Variants in THSD7B observed in about 807,000 individuals in gnomAD.
THSD7B encodes the protein thrombospondin type-1 domain-containing protein 7B.
THSD7B carries 138 observed loss-of-function variants against 213.6 expected under a neutral mutation model. That is an observed-to-expected ratio of 0.65 (90% CI 0.56 to 0.74). The LOEUF (loss-of-function observed/expected upper bound fraction) is 0.74, where lower values mean the gene tolerates loss of function less well. THSD7B is among the 30% of genes least tolerant of loss of function. The pLI is 0.00. For missense variants in THSD7B, 1,931 were observed against 1,991.5 expected (o/e 0.97, Z 0.58); for synonymous variants, 742 against 687.0 (o/e 1.08, Z -1.25).
intron 14 of THSD7B, among the ~76,000 whole-genome samples, chr2:137,423,128 T>C (rs1367071897): frequency 1.3e-5 from 2 of 152,080 alleles, no homozygotes; most frequent in Non-Finnish European, 2.9e-5. Flanking sequence ...TACTCATTTT[T>C]TCTTCAAAAA....
chr2:137,474,333 A>G (rs2105096482), intron 15 of THSD7B, among the ~76,000 whole-genome samples: 1 of 152,284 alleles, frequency 6.6e-6, no homozygotes, highest in South Asian at 2.1e-4. Context: ...CCTGGAGGAA[A>G]CAGATTGAAT....
chr2:136,932,261 G>T (rs1183093636), intron 2 of THSD7B, among the ~76,000 whole-genome samples: 2 of 152,140 alleles, frequency 1.3e-5, no homozygotes, highest in African/African-American at 4.8e-5. Flanking sequence ...TTTTCCTAAG[G>T]AAATTTTACT....
At chr2:136,940,634 C>T (rs1411217012) in intron 2 of THSD7B, among the ~76,000 whole-genome samples, 1 of 151,472 alleles carries the variant, frequency 6.6e-6, no homozygotes, top group African/African-American at 2.4e-5. Flanking sequence ...TCCAGCAATC[C>T]ATCCACCTTG....
At chr2:137,286,610 C>T (rs141458600) in intron 12 of THSD7B, among the ~76,000 whole-genome samples, 30 of 151,582 alleles carry the variant, frequency 2.0e-4, no homozygotes, top group African/African-American at 6.5e-4. Context: ...TCAGTTCATT[C>T]AGAAAGCAAA....
At chr2:137,203,797 T>C (rs1299254786) in intron 7 of THSD7B, among the ~76,000 whole-genome samples, 1 of 152,032 alleles carries the variant, frequency 6.6e-6, no homozygotes, top group African/African-American at 2.4e-5. Flanking sequence ...TTACTTTTAA[T>C]TGGCATTGAT....
chr2:137,510,198 T>C (rs1465202482), intron 15 of THSD7B, among the ~76,000 whole-genome samples: 1 of 152,190 alleles, frequency 6.6e-6, no homozygotes, highest in Non-Finnish European at 1.5e-5. Context: ...TTTATTCCTC[T>C]ATTCTTTCTA....
At chr2:137,661,024 G>T (rs1005158527) in intron 25 of THSD7B, among the ~76,000 whole-genome samples, 3 of 152,142 alleles carry the variant, frequency 2.0e-5, no homozygotes, top group Non-Finnish European at 4.4e-5. Context: ...GGTTGATGAG[G>T]ATTGGCATGA....
At chr2:136,968,199 T>G (rs1212764364) in intron 2 of THSD7B, among the ~76,000 whole-genome samples, 1 of 152,184 alleles carries the variant, frequency 6.6e-6, no homozygotes, top group Non-Finnish European at 1.5e-5. Context: ...TCCAACGTGA[T>G]GAAACTAATT....
intron 7 of THSD7B, among the ~76,000 whole-genome samples, chr2:137,196,142 G>A (rs972294077): frequency 7.2e-5 from 11 of 152,134 alleles, no homozygotes; most frequent in Non-Finnish European, 1.5e-4. Context: ...ACAAGAAATA[G>A]TGTTCATTTA....
chr2:137,071,986 TATC>T (rs1687499725), intron 3 of THSD7B, among the ~76,000 whole-genome samples: 1 of 152,242 alleles, frequency 6.6e-6, no homozygotes, highest in Admixed American at 6.5e-5. Flanking sequence ...TTGGTACCAG[TATC>T]ATGCTGTTTT....
In THSD7B at chr2:137,231,177, T is replaced by TA. The variant is rs1681631950; in HGVS notation, c.1862dup (p.Asn621LysfsTer26). The TA allele has an allele frequency of 2.5e-6, 4 of 1,613,298 alleles. No homozygotes were observed. The Admixed American group carries it at 6.7e-5, about 27-fold the overall frequency. ...CATCCTGTTCCCAGTCCTGTTCAAA[T>TA]AAAAACTCAGATGGGAAACAGACCA... On this transcript the variant is annotated frameshift_variant, in exon 8 of 28. Transcript: ENST00000409968. LOFTEE classifies it high-confidence loss of function.
chr2:137,367,918 T>C (rs1007382915), intron 12 of THSD7B, among the ~76,000 whole-genome samples: 7 of 152,072 alleles, frequency 4.6e-5, no homozygotes, highest in African/African-American at 1.4e-4. Context: ...AGGCCTCTTC[T>C]CCAAATACCG....
In THSD7B at chr2:137,201,786, T is replaced by G. The variant is rs1406572968; in HGVS notation, c.1724-29258T>G. ...CACATCCCCTCATTGGACTTGCTACTGTTGGTCCTTTTCTTTTAACCACTC... is the reference window on the plus strand; with the variant it reads ...CACATCCCCTCATTGGACTTGCTACGGTTGGTCCTTTTCTTTTAACCACTC... On this transcript the variant is annotated intron_variant, in intron 7 of 27. Coordinates refer to ENST00000409968, the MANE Select transcript of THSD7B (RefSeq NM_001316349.2). 2.0e-5 allele frequency among the ~76,000 whole-genome samples: 3 copies of G among 152,142 alleles called. No individual in the cohort carries two copies. In the East Asian group the frequency reaches 5.8e-4, roughly 29 times the overall value.
At chr2:137,607,062 T>A (rs1336485999) in intron 17 of THSD7B, among the ~76,000 whole-genome samples, 2 of 152,114 alleles carry the variant, frequency 1.3e-5, no homozygotes, top group African/African-American at 4.8e-5. Context: ...CATGTTTTAA[T>A]ATAATGGGAC....
At chr2:137,608,381 A>G (rs1682227221) in intron 17 of THSD7B, among the ~76,000 whole-genome samples, 1 of 150,756 alleles carries the variant, frequency 6.6e-6, no homozygotes, top group Non-Finnish European at 1.5e-5. Flanking sequence ...TTTTTTAACC[A>G]GTTATCTTCA....
intron 12 of THSD7B, among the ~76,000 whole-genome samples, chr2:137,375,856 G>A (rs1204808434): frequency 6.6e-6 from 1 of 152,174 alleles, no homozygotes; most frequent in East Asian, 1.9e-4. Context: ...CATGGCATCA[G>A]CTTTGTACAT....
At chr2:137,188,229 T>C (rs1284109038) in intron 7 of THSD7B, among the ~76,000 whole-genome samples, 1 of 152,192 alleles carries the variant, frequency 6.6e-6, no homozygotes, top group Non-Finnish European at 1.5e-5. Context: ...AGAGAGGTAG[T>C]GCTGAGACCA....
chr2:136,988,529 G>T (rs1315501572), intron 2 of THSD7B, among the ~76,000 whole-genome samples: 1 of 152,194 alleles, frequency 6.6e-6, no homozygotes, highest in Non-Finnish European at 1.5e-5. Context: ...GGCCTCCACT[G>T]GTGTGTGAGT....
At chr2:137,557,142 A>G (rs1233188803) in intron 15 of THSD7B, among the ~76,000 whole-genome samples, 1 of 152,194 alleles carries the variant, frequency 6.6e-6, no homozygotes, top group Non-Finnish European at 1.5e-5. Context: ...ACAAGACAGA[A>G]AGTTAAGAGG....
Sources: allele counts gnomAD v4.1 joint callset (sites outside exome capture counted in the v4.1 genomes callset), GRCh38; gene constraint gnomAD v4.1.1; transcripts MANE v1.5; gene names NCBI Gene and HGNC (gene_info 2026-07-23, HGNC 2026-07-21).